The following PDE7B variants were observed in gnomAD, a reference collection of about 807,000 sequenced individuals.
PDE7B encodes the protein 3',5'-cyclic-AMP phosphodiesterase 7B.
PDE7B carries 29 observed loss-of-function variants against 56.2 expected under a neutral mutation model. The observed-to-expected ratio is 0.52, with a 90% CI of 0.38 to 0.70. The LOEUF (loss-of-function observed/expected upper bound fraction) is 0.70, where lower values mean the gene tolerates loss of function less well. PDE7B is among the 30% of genes least tolerant of loss of function. The pLI, the probability that PDE7B is intolerant of heterozygous loss-of-function variation, is 0.00. For missense variants in PDE7B, 490 were observed against 565.0 expected (o/e 0.87, Z 1.35); for synonymous variants, 197 against 196.9 (o/e 1.00, Z 0.00).
chr6:135,925,955 C>T (rs972643516), intron 1 of PDE7B, among the ~76,000 whole-genome samples: 4 of 151,910 alleles, frequency 2.6e-5, no homozygotes, highest in Non-Finnish European at 5.9e-5. Flanking sequence ...TGGCTGAGGC[C>T]ACTATAATAG....
intron 2 of PDE7B, among the ~76,000 whole-genome samples, chr6:136,099,228 A>G (rs572493687): frequency 5.9e-5 from 9 of 152,284 alleles, no homozygotes; most frequent in Non-Finnish European, 1.2e-4. Flanking sequence ...TAGTGCTGCA[A>G]TTAACATACC....
At position 135,917,626 on chromosome 6, in the gene PDE7B, TGTTA is replaced by T. The variant is rs1029576808; in HGVS notation, c.22-29833_22-29830del. Among the ~76,000 whole-genome samples the T allele has an allele frequency of 3.3e-5, 5 of 152,286 alleles. 1 individual carries two copies. Among genetic ancestry groups the T allele is most frequent in the Non-Finnish European group, 7.4e-5 (5 of 68,022 alleles). ...GTTGTTTTTTTTTTATTGTTGTTGT[TGTTA>T]GTTAAATTTTTCATTTCCTTTGCAC... On this transcript the variant is annotated intron_variant, in intron 1 of 12. Transcript: ENST00000308191.
intron 2 of PDE7B, among the ~76,000 whole-genome samples, chr6:135,983,730 T>C (rs1489221427): frequency 6.6e-6 from 1 of 152,222 alleles, no homozygotes; most frequent in African/African-American, 2.4e-5. Flanking sequence ...CTGCAGTCTA[T>C]GTAAGAAGGA....
intron 2 of PDE7B, among the ~76,000 whole-genome samples, chr6:136,072,105 A>G (rs1036898735): frequency 6.6e-6 from 1 of 152,236 alleles, no homozygotes; most frequent in Non-Finnish European, 1.5e-5. Flanking sequence ...CAGTCATTCT[A>G]CAAATATTTA....
chr6:136,183,465 G>A (rs374506973), intron 11 of PDE7B, among the ~76,000 whole-genome samples: 45 of 151,428 alleles, frequency 3.0e-4, no homozygotes, highest in African/African-American at 8.5e-4. Flanking sequence ...GCATGGTGGC[G>A]GGCACCTGTA....
At chr6:136,137,706 C>T (rs1044771477) in intron 3 of PDE7B, among the ~76,000 whole-genome samples, 6 of 151,984 alleles carry the variant, frequency 3.9e-5, no homozygotes, top group African/African-American at 1.4e-4. Flanking sequence ...TAATCAGCCC[C>T]TATACAGAGA....
intron 1 of PDE7B, among the ~76,000 whole-genome samples, chr6:135,887,352 C>T (rs1232666731): frequency 6.6e-6 from 1 of 152,094 alleles, no homozygotes; most frequent in Admixed American, 6.6e-5. Context: ...GGAGATATAA[C>T]AATGAGTCTT....
At chr6:135,871,066 C>G (rs1775370341) in intron 1 of PDE7B, among the ~76,000 whole-genome samples, 1 of 152,152 alleles carries the variant, frequency 6.6e-6, no homozygotes, top group African/African-American at 2.4e-5. Flanking sequence ...ACCCTGATGA[C>G]AGGAATTTTC....
In PDE7B at chr6:135,866,377, T is replaced by C. The variant is rs182485015; in HGVS notation, c.21+14358T>C. ...TAATATGTTCACCTTCCATATTTCA[T>C]TGTGGCCATTATAATATTATGCGAA... On this transcript the variant is annotated intron_variant, in intron 1 of 12. Transcript: ENST00000308191. 3.3e-5 allele frequency among the ~76,000 whole-genome samples: 5 copies of C among 152,308 alleles called. No individual in the cohort carries two copies. The East Asian group carries it at 9.6e-4, about 29-fold the overall frequency.
At chr6:136,154,249 C>A in intron 7 of PDE7B, 74 bp downstream of exon 7, 2 of 818,328 alleles carry the variant, frequency 2.4e-6, no homozygotes, top group African/African-American at 1.7e-5. Flanking sequence ...CCAAGTTACC[C>A]AACATATCTG....
intron 2 of PDE7B, among the ~76,000 whole-genome samples, chr6:136,102,280 G>A (rs1777575336): frequency 6.6e-6 from 1 of 152,096 alleles, no homozygotes; most frequent in South Asian, 2.1e-4. Context: ...GGGTGGGTGG[G>A]GGTTTGGGAA....
intron 12 of PDE7B, among the ~76,000 whole-genome samples, chr6:136,189,343 C>A (rs1478335925): frequency 1.3e-5 from 2 of 152,118 alleles, no homozygotes; most frequent in Non-Finnish European, 2.9e-5. Flanking sequence ...GCGGGCAAAT[C>A]CCTTGAGGCC....
At chr6:135,894,656 T>G (rs1431142759) in intron 1 of PDE7B, among the ~76,000 whole-genome samples, 1 of 152,152 alleles carries the variant, frequency 6.6e-6, no homozygotes, top group Non-Finnish European at 1.5e-5. Flanking sequence ...TCCAATGAGC[T>G]CTGCACAATT....
intron 2 of PDE7B, among the ~76,000 whole-genome samples, chr6:136,020,699 G>A (rs1220415432): frequency 6.6e-6 from 1 of 151,994 alleles, no homozygotes; most frequent in Non-Finnish European, 1.5e-5. Flanking sequence ...GTTTGCTATG[G>A]TCTCTAAATA....
chr6:135,977,871 G>A (rs1342636975), intron 2 of PDE7B, among the ~76,000 whole-genome samples: 1 of 152,028 alleles, frequency 6.6e-6, no homozygotes, highest in South Asian at 2.1e-4. Context: ...TGGCAAAACC[G>A]CAATTACTTT....
intron 1 of PDE7B, among the ~76,000 whole-genome samples, chr6:135,909,671 T>C (rs931959268): frequency 2.6e-5 from 4 of 152,164 alleles, no homozygotes; most frequent in Non-Finnish European, 4.4e-5. Flanking sequence ...ATAATAATCA[T>C]ATATGTTATT....
chr6:135,916,405 T>TTC (rs1260411876), intron 1 of PDE7B, among the ~76,000 whole-genome samples: 5 of 144,742 alleles, frequency 3.5e-5, no homozygotes, highest in Non-Finnish European at 4.5e-5. Context: ...TTTTTTTTTT[T>TTC]TTTTTGAGAT....
intron 12 of PDE7B, among the ~76,000 whole-genome samples, chr6:136,189,572 T>TA (rs1471325368): frequency 2.0e-5 from 3 of 152,056 alleles, no homozygotes; most frequent in Non-Finnish European, 4.4e-5. Flanking sequence ...CCCCATCTGT[T>TA]AAAAAATTAA....
intron 2 of PDE7B, among the ~76,000 whole-genome samples, chr6:136,078,840 C>T (rs1240047370): frequency 6.6e-6 from 1 of 152,056 alleles, no homozygotes; most frequent in Non-Finnish European, 1.5e-5. Context: ...AATCTATATG[C>T]ACTTATTACA....
Sources: gnomAD v4.1 joint callset for allele counts (sites outside exome capture counted in the v4.1 genomes callset) on GRCh38, gnomAD v4.1.1 for gene constraint, MANE v1.5 for transcripts, NCBI Gene and HGNC (gene_info 2026-07-23, HGNC 2026-07-21) for gene names.